The following SDK2 variants were observed in gnomAD, a reference collection of about 807,000 sequenced individuals.
SDK2 encodes protein sidekick-2.
A neutral mutation model predicts 253.9 loss-of-function variants in SDK2; 105 were observed. That is an observed-to-expected ratio of 0.41 (90% CI 0.35 to 0.49). The LOEUF is 0.49. Ranked by LOEUF, SDK2 falls within the 20% of genes least tolerant of loss-of-function variation. The probability of loss-of-function intolerance (pLI) is 0.06; values close to 1 mark genes in which losing one functional copy is unlikely to be tolerated. For missense variants in SDK2, 2,608 were observed against 3,003.0 expected (o/e 0.87, Z 3.07); for synonymous variants, 1,249 against 1,234.9 (o/e 1.01, Z -0.24).
chr17:73,530,424 A>AC (rs1251115237), intron 1 of SDK2, among the ~76,000 whole-genome samples: 2 of 152,168 alleles, frequency 1.3e-5, no homozygotes, highest in African/African-American at 4.8e-5. Flanking sequence ...TGAGAACAGC[A>AC]TGGGGGAAAC....
intron 3 of SDK2, among the ~76,000 whole-genome samples, chr17:73,463,756 T>G (rs1284721036): frequency 6.6e-6 from 1 of 152,224 alleles, no homozygotes; most frequent in Admixed American, 6.5e-5. Context: ...TTGCCCTTCA[T>G]TGAGTCATTT....
rs983729353 is a variant in SDK2 at position 73,379,452 on chromosome 17, C to A, written c.4860G>T (p.Glu1620Asp). 6.2e-7 allele frequency: 1 copy of A among 1,604,004 alleles called. No homozygotes were observed. The highest frequency in any genetic ancestry group is 8.5e-7 in the Non-Finnish European group (1 of 1,174,482). The change falls in exon 35 of 45, where the codon GAG (glutamate) becomes GAT (aspartate). Residue 1620 changes from glutamate (E) to aspartate (D), a missense_variant. Physicochemically the swap from Glu to Asp is conservative, Grantham distance 45 (BLOSUM62 2). Transcript: ENST00000392650. The surrounding 1 kb of genome is among the most constrained non-coding windows in gnomAD (Gnocchi z 4.5). Reference sequence around the variant, plus strand: ...GACAGGGCGGGCGCTGCTCACCTGCCTCCCCAACAAAGACCTCCTGCGGGG... The same window carrying A: ...GACAGGGCGGGCGCTGCTCACCTGCATCCCCAACAAAGACCTCCTGCGGGG... The part of the protein sequence containing the change: ...SSPPQEVFVG[E>D]AVPTAAPRNV...
intron 2 of SDK2, among the ~76,000 whole-genome samples, chr17:73,507,064 CACA>C (rs1428186913): frequency 6.6e-6 from 1 of 152,244 alleles, no homozygotes; most frequent in Non-Finnish European, 1.5e-5. Flanking sequence ...ACCCAGGCCC[CACA>C]ACAAGAGTCC....
chr17:73,472,127 C>G lies in SDK2; in HGVS notation c.316G>C (p.Glu106Gln). Residue 106 changes from glutamate to glutamine, a missense_variant, in exon 3 of 45, where the codon GAG becomes CAG. By Grantham distance (29) the Glu-to-Gln change is conservative (BLOSUM62 2). Around this residue, in one of 2 missense-constraint regions of SDK2, gnomAD observed 1,505 missense variants for 1,859.1 expected, o/e 0.81. Coordinates refer to ENST00000392650, the MANE Select transcript of SDK2 (RefSeq NM_001144952.2). ...TTGTACTCACAGGCCACCTGGACCT[C>G]GGTTTGCCGCTGCAGCAGGGCCCCC... The part of the protein sequence containing the change: ...RMGALLQRQT[E>Q]VQVAYMGSFE... 1 of 1,551,480 alleles carries G rather than the reference C, an allele frequency of 6.4e-7. No homozygotes were observed. Among genetic ancestry groups the G allele is most frequent in the Non-Finnish European group, 8.7e-7 (1 of 1,146,910 alleles).
chr17:73,615,189 TTAGA>T (rs1350802369), intron 1 of SDK2, among the ~76,000 whole-genome samples: 2 of 152,310 alleles, frequency 1.3e-5, no homozygotes, highest in South Asian at 2.1e-4. Flanking sequence ...CTTCAGAGTC[TTAGA>T]TAGATCTAGC....
At chr17:73,625,637 T>A (rs752874455) in intron 1 of SDK2, among the ~76,000 whole-genome samples, 1 of 152,168 alleles carries the variant, frequency 6.6e-6, no homozygotes, top group Non-Finnish European at 1.5e-5. Flanking sequence ...TTTTCTTTTC[T>A]TTTTTCTTTT....
At chr17:73,491,088 A>G (rs1351311536) in intron 2 of SDK2, among the ~76,000 whole-genome samples, 1 of 152,210 alleles carries the variant, frequency 6.6e-6, no homozygotes, top group African/African-American at 2.4e-5. Flanking sequence ...GAGTTAATAC[A>G]TGTAGTGTGC....
rs1362499659 is a variant in SDK2 at position 73,336,241 on chromosome 17, C to T, written c.*2346G>A. The T allele has an allele frequency of 2.6e-5, 4 of 151,416 alleles. No individual in the cohort carries two copies. Among genetic ancestry groups the T allele is most frequent in the South Asian group, 2.1e-4 (1 of 4,786 alleles). The allele number at this position is 151,416 out of a possible 1,614,324, so 9.4% of individuals were successfully genotyped here. On this transcript the variant is annotated 3_prime_UTR_variant, in exon 45 of 45. Transcript: ENST00000392650. ...AAAGCTGTGCGGCACGATCACAGGC[C>T]GGCAGCTGCAGATGTGCTGCCATGG... is the stretch of plus-strand genomic sequence containing the variant.
chr17:73,516,184 T>C (rs2064025190), intron 1 of SDK2, among the ~76,000 whole-genome samples: 1 of 152,172 alleles, frequency 6.6e-6, no homozygotes, highest in African/African-American at 2.4e-5. Context: ...TCATAAGGTT[T>C]TGAGCAGGGT....
chr17:73,625,041 A>C (rs2046183732), intron 1 of SDK2, among the ~76,000 whole-genome samples: 1 of 152,184 alleles, frequency 6.6e-6, no homozygotes, highest in African/African-American at 2.4e-5. Flanking sequence ...CTGAGGCTGG[A>C]AGAGCTTTGG....
chr17:73,589,273 A>G (rs9911867), intron 1 of SDK2, among the ~76,000 whole-genome samples: 34,558 of 152,284 alleles, frequency 0.23, 4,643 homozygotes, highest in African/African-American at 0.37. Flanking sequence ...CAAACACACA[A>G]CCCTGAAGGG....
At position 73,395,399 on chromosome 17, in the gene SDK2, C is replaced by T. The variant is rs202081833; in HGVS notation, c.3355-7G>A. The T allele has an allele frequency of 2.4e-4, 379 of 1,611,790 alleles. 1 individual carries two copies. The African/African-American group carries it at 4.1e-3, about 18-fold the overall frequency. ...ATTCCATCTCCGGGAGAGGCTGCAG[C>T]GGGGCAGGGGTGGCAAAGCTGCTAT... On this transcript the variant is annotated splice_polypyrimidine_tract_variant and splice_region_variant and intron_variant, in intron 24 of 44. Transcript: ENST00000392650. The surrounding 1 kb of genome is among the most constrained non-coding windows in gnomAD (Gnocchi z 4.3).
chr17:73,369,108 C>T (rs973625457), intron 36 of SDK2: 2 of 466,204 alleles, frequency 4.3e-6, no homozygotes, highest in African/African-American at 4.0e-5. Context: ...ACAGTAAACT[C>T]CAGGGCATGG....
chr17:73,456,856 G>C (rs545455947), intron 3 of SDK2, among the ~76,000 whole-genome samples: 38 of 152,330 alleles, frequency 2.5e-4, no homozygotes, highest in African/African-American at 9.1e-4. Flanking sequence ...CGGAGGCTTG[G>C]AGATAGGGTT....
intron 1 of SDK2, among the ~76,000 whole-genome samples, chr17:73,569,199 C>CTT (rs531392828): frequency 1.6e-4 from 22 of 137,518 alleles, no homozygotes; most frequent in African/African-American, 3.2e-4. Flanking sequence ...TCTTTCTTTT[C>CTT]TTTTTTTTTT....
chr17:73,471,619 T>A lies in SDK2; in HGVS notation c.331+493A>T, dbSNP rs559391913. Among the ~76,000 whole-genome samples, 6 of 151,694 alleles carry A rather than the reference T, an allele frequency of 4.0e-5. No homozygotes were observed. In the East Asian group the frequency reaches 1.2e-3, roughly 30 times the overall value. On this transcript the variant is annotated intron_variant, in intron 3 of 44. Coordinates refer to ENST00000392650, the MANE Select transcript of SDK2 (RefSeq NM_001144952.2). Reference sequence around the variant, plus strand: ...ACTCAAAACAAAAACAAAAACAAAATAAAAGTCATGGAGGCCCTGGGAAGT... The same window carrying A: ...ACTCAAAACAAAAACAAAAACAAAAAAAAAGTCATGGAGGCCCTGGGAAGT...
intron 1 of SDK2, among the ~76,000 whole-genome samples, chr17:73,589,516 C>T (rs2045652446): frequency 6.6e-6 from 1 of 152,228 alleles, no homozygotes; most frequent in Non-Finnish European, 1.5e-5. Flanking sequence ...CAGCGTGAAG[C>T]TTGGCCAAGC....
chr17:73,398,261 A>G, intron 23 of SDK2, 59 bp downstream of exon 23: 1 of 1,602,860 alleles, frequency 6.2e-7, no homozygotes, highest in Non-Finnish European at 8.5e-7. Context: ...TCTGGGCCAT[A>G]GCCCCCACCC....
At chr17:73,376,659 GGGT>G (rs2062783893) in intron 36 of SDK2, among the ~76,000 whole-genome samples, 2 of 152,062 alleles carry the variant, frequency 1.3e-5, no homozygotes, top group African/African-American at 4.8e-5. Context: ...ACATTTTCCT[GGGT>G]CTGTCTATTA....
Sources: allele counts gnomAD v4.1 joint callset (sites outside exome capture counted in the v4.1 genomes callset), GRCh38; gene constraint gnomAD v4.1.1; regional missense constraint gnomAD v4.1.1; non-coding constraint Gnocchi (gnomAD v3.1); transcripts MANE v1.5; gene names NCBI Gene and HGNC (gene_info 2026-07-23, HGNC 2026-07-21).